OPN1SW: variants seen among roughly 807,000 people sequenced by gnomAD.
OPN1SW encodes the protein short-wave-sensitive opsin 1.
Under a neutral mutation model 31.9 loss-of-function variants are expected in OPN1SW, and 25 were observed. The observed-to-expected ratio is 0.78, with a 90% CI of 0.57 to 1.09. The LOEUF (loss-of-function observed/expected upper bound fraction) is 1.09. Among genes scored for constraint, OPN1SW ranks in the 50% least tolerant of loss-of-function variants. The pLI, the probability that OPN1SW is intolerant of heterozygous loss-of-function variation, is 0.00. For missense variants in OPN1SW, 424 were observed against 448.0 expected, an observed-to-expected ratio of 0.95 and a Z score of 0.48; for synonymous variants, 190 against 171.9, an observed-to-expected ratio of 1.11 and a Z score of -0.82.
chr7:128,772,611 C>A lies in OPN1SW; in HGVS notation c.967G>T (p.Glu323Ter), dbSNP rs1801631286. The A allele has an allele frequency of 6.2e-7, 1 of 1,614,154 alleles. No individual in the cohort carries two copies. Among genetic ancestry groups the A allele is most frequent in the Non-Finnish European group, 8.5e-7 (1 of 1,180,018 alleles). The part of the protein sequence containing the change: ...KMVCGKAMTD[E>*]SDTCSSQKTE... ...TTCTGGGAGCTGCATGTGTCGGATT[C>A]ATCTGTCATGGCCTTCCCACACACC... Residue 323 changes from glutamate to a stop codon, truncating the protein, a stop_gained, in exon 5 of 5, where the codon GAA (glutamate) becomes TAA (stop). Transcript: ENST00000249389. LOFTEE classifies it high-confidence loss of function.
chr7:128,773,708 A>G lies in OPN1SW; in HGVS notation c.859T>C (p.Phe287Leu), dbSNP rs907485626. Residue 287 changes from phenylalanine (F) to leucine (L), a missense_variant, in exon 4 of 5, where the codon TTC (phenylalanine) becomes CTC (leucine). Phe to Leu is a conservative substitution (Grantham distance 22, BLOSUM62 0). Transcript: ENST00000249389. ...LDLRLVTIPS[F>L]FSKSACIYNP... ...TAGATGCAAGCACTCTTGGAGAAGAATGAAGGAATGGTGACAAGCCGTAAG... is the reference window on the plus strand; with the variant it reads ...TAGATGCAAGCACTCTTGGAGAAGAGTGAAGGAATGGTGACAAGCCGTAAG... 1 of 1,614,260 alleles carries G rather than the reference A, an allele frequency of 6.2e-7. No homozygotes were observed. Among genetic ancestry groups the G allele is most frequent in the Non-Finnish European group, 8.5e-7 (1 of 1,180,048 alleles).
In OPN1SW at chr7:128,774,660, G is replaced by A; in HGVS notation, c.516C>T (p.Phe172=). 1 of 1,614,128 alleles carries A rather than the reference G, an allele frequency of 6.2e-7. No homozygotes were observed. Among genetic ancestry groups the A allele is most frequent in the Non-Finnish European group, 8.5e-7 (1 of 1,180,024 alleles). The change falls in exon 3 of 5, where the codon TTC becomes TTT. Residue 172 remains phenylalanine, a synonymous_variant. Coordinates refer to ENST00000249389, the MANE Select transcript of OPN1SW (RefSeq NM_001385125.1). ...SIPPFFGWSR[F]IPEGLQCSCG... ...AGGAACACTGCAGGCCCTCAGGGAT[G>A]AACCTGCAAAGGACCAAACACTTGC...
At chr7:128,772,774 T>G (rs1801640549) in intron 4 of OPN1SW, 115 bp from the exon 5 acceptor site, 8 of 1,403,646 alleles carry the variant, frequency 5.7e-6, no homozygotes, top group Non-Finnish European at 8.0e-6. Context: ...CAGAATGCCC[T>G]TAGGTGGTTT....
rs764605334 is a variant in OPN1SW at position 128,775,559 on chromosome 7, A to G, written c.223T>C (p.Phe75Leu). The G allele has an allele frequency of 6.2e-7, 1 of 1,614,142 alleles. No homozygotes were observed. Among genetic ancestry groups the G allele is most frequent in the Non-Finnish European group, 8.5e-7 (1 of 1,180,012 alleles). ...AAGATGCAGAGGAGGAAGCCTCCGA[A>G]GGACACGTTGACCAGAATGTAGTTG... ...PLNYILVNVSFGGFLLCIFSV... is the reference protein window; with the variant it reads ...PLNYILVNVSLGGFLLCIFSV... The change falls in exon 1 of 5, where the codon TTC becomes CTC. Residue 75 changes from phenylalanine (F) to leucine (L), a missense_variant. Phe to Leu is a conservative substitution (Grantham distance 22). Transcript: ENST00000249389.
intron 4 of OPN1SW, among the ~76,000 whole-genome samples, chr7:128,773,323 T>C (rs1411678271): frequency 6.6e-6 from 1 of 152,248 alleles, no homozygotes; most frequent in Admixed American, 6.5e-5. Flanking sequence ...ATGTGCAGGA[T>C]GTGCAGGTTT....
rs753897797 is a variant in OPN1SW, at chr7:128,775,449, G to A, written c.333C>T (p.Gly111=). Residue 111 remains glycine, a synonymous_variant, in exon 1 of 5, where the codon GGC becomes GGT. Coordinates refer to ENST00000249389, the MANE Select transcript of OPN1SW (RefSeq NM_001385125.1). ...TTTCCCCTGCAGTACCTGCTACAGTGCCCAGGAAGCCCTCCAAAGCACAAA... is the reference window on the plus strand; with the variant it reads ...TTTCCCCTGCAGTACCTGCTACAGTACCCAGGAAGCCCTCCAAAGCACAAA... ...RHVCALEGFL[G]TVAGLVTGWS... is the part of the protein sequence containing the mutation. 1.2e-6 allele frequency: 2 copies of A among 1,613,276 alleles called. No homozygotes were observed. Among genetic ancestry groups the A allele is most frequent in the Admixed American group, 1.7e-5 (1 of 59,996 alleles).
At chr7:128,775,212 G>T in intron 1 of OPN1SW, 58 bp from the exon 2 acceptor site, 1 of 1,580,628 alleles carries the variant, frequency 6.3e-7, no homozygotes, top group East Asian at 2.3e-5. Flanking sequence ...CTGGCTGGCA[G>T]AGTGGCAAAC....
At chr7:128,772,729 C>T in intron 4 of OPN1SW, 70 bp from the exon 5 acceptor site, 1 of 1,599,298 alleles carries the variant, frequency 6.3e-7, no homozygotes, top group Non-Finnish European at 8.6e-7. Flanking sequence ...ACCTTATTCT[C>T]TGTATCACCA....
At chr7:128,774,006 T>C in intron 3 of OPN1SW, 118 bp from the exon 4 acceptor site, 1 of 1,343,710 alleles carries the variant, frequency 7.4e-7, no homozygotes, top group South Asian at 1.5e-5. Flanking sequence ...TCTCGCTCTG[T>C]TGCCCAGGCT....
intron 1 of OPN1SW, 21 bp downstream of exon 1, chr7:128,775,418 C>A (rs761554089): frequency 1.9e-6 from 3 of 1,604,680 alleles, no homozygotes; most frequent in African/African-American, 1.3e-5. Flanking sequence ...CTTCCCCTAA[C>A]CCCTTTTTCC....
intron 1 of OPN1SW, 50 bp downstream of exon 1, chr7:128,775,389 G>T: frequency 6.4e-7 from 1 of 1,557,084 alleles, no homozygotes; most frequent in Non-Finnish European, 8.8e-7. Context: ...ACCCCCTCCA[G>T]TGGAGTAGCA....
Position 128,773,856 on chromosome 7 carries a change from G to A in OPN1SW, c.711C>T (p.Thr237=), listed in dbSNP as rs1199175126. 6.2e-7 allele frequency: 1 copy of A among 1,612,914 alleles called. No individual in the cohort carries two copies. The highest frequency in any genetic ancestry group is 1.7e-5 in the Admixed American group (1 of 60,004). The stretch of plus-strand genomic sequence containing the variant: ...GGCTCACCTCCCGTTCAGCCTTCTG[G>A]GTCGTAGCTGACTCCTGCTGCTGAG... ...VAAQQQESAT[T]QKAEREVSRM... Residue 237 remains threonine (T), a synonymous_variant, in exon 4 of 5, where the codon ACC becomes ACT. Coordinates refer to ENST00000249389, the MANE Select transcript of OPN1SW (RefSeq NM_001385125.1).
At chr7:128,775,248 G>A in intron 1 of OPN1SW, 94 bp from the exon 2 acceptor site, 3 of 1,385,280 alleles carry the variant, frequency 2.2e-6, no homozygotes, top group Admixed American at 1.9e-5. Flanking sequence ...AGCACAGAGA[G>A]ACAGGGCTGG....
intron 4 of OPN1SW, 56 bp from the exon 5 acceptor site, chr7:128,772,715 A>C: frequency 6.2e-7 from 1 of 1,611,210 alleles, no homozygotes; most frequent in East Asian, 2.2e-5. Flanking sequence ...GTATGGGAAA[A>C]AAGACCTTAT....
chr7:128,773,372 C>T (rs899016738), intron 4 of OPN1SW, among the ~76,000 whole-genome samples: 1 of 152,084 alleles, frequency 6.6e-6, no homozygotes, highest in African/African-American at 2.4e-5. Flanking sequence ...GTTTGCTGCA[C>T]GAGTTTTTCA....
Position 128,775,060 on chromosome 7 carries a change from A to C in OPN1SW, c.438T>G (p.His146Gln). 1.2e-6 allele frequency: 2 copies of C among 1,614,244 alleles called. No individual in the cohort carries two copies. Among genetic ancestry groups the C allele is most frequent in the Non-Finnish European group, 1.7e-6 (2 of 1,180,048 alleles). The change falls in exon 2 of 5, where the codon CAT becomes CAG. Residue 146 changes from histidine (H) to glutamine (Q), a missense_variant. Coordinates refer to ENST00000249389, the MANE Select transcript of OPN1SW (RefSeq NM_001385125.1). ...AGGTAGCCAGGACCACCGTCAGTGC[A>C]TGCTTGGAGCTGAAGCGGAAGTTGC... ...PFGNFRFSSKHALTVVLATWT... is the reference protein window; with the variant it reads ...PFGNFRFSSKQALTVVLATWT...
In OPN1SW at chr7:128,775,693, G is replaced by C; in HGVS notation, c.89C>G (p.Ala30Gly). ...GPQYHIAPVW[A>G]FYLQAAFMGT... ...CATGAAAGCTGCCTGGAGGTAGAAGGCCCAGACAGGGGCAATGTGGTACTG... is the reference window on the plus strand; with the variant it reads ...CATGAAAGCTGCCTGGAGGTAGAAGCCCCAGACAGGGGCAATGTGGTACTG... Residue 30 changes from alanine to glycine, a missense_variant, in exon 1 of 5, where the codon GCC (alanine) becomes GGC (glycine). By Grantham distance (60) the Ala-to-Gly change is moderately conservative. Transcript: ENST00000249389. The C allele has an allele frequency of 6.2e-7, 1 of 1,614,116 alleles. No individual in the cohort carries two copies. Among genetic ancestry groups the C allele is most frequent in the Non-Finnish European group, 8.5e-7 (1 of 1,180,026 alleles).
In OPN1SW at chr7:128,774,482, A is replaced by G. The variant is rs1200145224; in HGVS notation, c.678+16T>C. On this transcript the variant is annotated intron_variant, in intron 3 of 4. Coordinates refer to ENST00000249389, the MANE Select transcript of OPN1SW (RefSeq NM_001385125.1). ...GCCCCGAACCCCTTCTTCCCTGACT[A>G]TCAAATGCCACTCACAGCTTTCAGG... The G allele has an allele frequency of 5.6e-6, 9 of 1,613,282 alleles. No individual in the cohort carries two copies. The highest frequency in any genetic ancestry group is 2.7e-5 in the African/African-American group (2 of 74,886).
chr7:128,773,624 T>C, intron 4 of OPN1SW, 25 bp downstream of exon 4: 1 of 1,614,048 alleles, frequency 6.2e-7, no homozygotes, highest in South Asian at 1.1e-5. Context: ...TTCTGGACCA[T>C]AGGAATGTGA....
Sources: gnomAD v4.1 joint callset for allele counts (sites outside exome capture counted in the v4.1 genomes callset) on GRCh38, gnomAD v4.1.1 for gene constraint, MANE v1.5 for transcripts, NCBI Gene and HGNC (gene_info 2026-07-23, HGNC 2026-07-21) for gene names.